The following STS variants were observed in gnomAD, a reference collection of about 807,000 sequenced individuals.
The protein encoded by STS is steryl-sulfatase.
Under a neutral mutation model 26.8 loss-of-function variants are expected in STS, and 7 were observed. The ratio of observed to expected loss-of-function variants is 0.26; its 90% confidence interval spans 0.15 to 0.49. The LOEUF (loss-of-function observed/expected upper bound fraction) is 0.49, where lower values mean the gene tolerates loss of function less well. Among genes scored for constraint, STS ranks in the 20% least tolerant of loss-of-function variants. STS has a pLI of 0.98. For missense variants in STS, 434 were observed against 465.6 expected (o/e 0.93, Z 0.63); for synonymous variants, 199 against 189.4 (o/e 1.05, Z -0.42).
intron 6 of STS, among the ~76,000 whole-genome samples, chrX:7,263,260 G>C (rs1923837176): frequency 9.0e-6 from 1 of 111,409 alleles, no homozygotes; most frequent in Non-Finnish European, 1.9e-5. Flanking sequence ...ATAGAGACAG[G>C]GTTTCACCAT....
intron 2 of STS, chrX:7,219,494 C>A (rs1305701377): frequency 1.9e-5 from 22 of 1,131,298 alleles, no homozygotes; most frequent in Non-Finnish European, 2.6e-5. Context: ...CTGACGGGAC[C>A]CAGCTGTAGT....
chrX:7,258,165 T>G (rs181489673), intron 5 of STS, among the ~76,000 whole-genome samples: 1 of 99,597 alleles, frequency 1.0e-5, no homozygotes, highest in Non-Finnish European at 2.0e-5. Flanking sequence ...GGGACAAAGA[T>G]GAGATAGATA....
At chrX:7,329,634 T>C (rs1199257408) in intron 9 of STS, among the ~76,000 whole-genome samples, 1 of 112,464 alleles carries the variant, frequency 8.9e-6, no homozygotes, top group Admixed American at 9.4e-5. Flanking sequence ...GAGAAGAAAC[T>C]CATTCAGACG....
At chrX:7,232,260 G>C (rs1249409096) in intron 2 of STS, among the ~76,000 whole-genome samples, 1 of 112,433 alleles carries the variant, frequency 8.9e-6, no homozygotes, top group East Asian at 2.8e-4. Context: ...GCAGGCACCA[G>C]CTGCAGGTGC....
intron 7 of STS, among the ~76,000 whole-genome samples, chrX:7,278,177 C>T (rs1380996851): frequency 8.9e-6 from 1 of 112,005 alleles, no homozygotes; most frequent in Non-Finnish European, 1.9e-5. Flanking sequence ...AAATCCTTCC[C>T]CTAAGCATTC....
chrX:7,201,444 C>T (rs1461395194), intron 2 of STS, among the ~76,000 whole-genome samples: 1 of 110,893 alleles, frequency 9.0e-6, no homozygotes, highest in African/African-American at 3.3e-5. Flanking sequence ...TTCTCACACA[C>T]ATACTTAACT....
chrX:7,342,077 T>A (rs1262671590), intron 10 of STS, among the ~76,000 whole-genome samples: 7 of 111,915 alleles, frequency 6.3e-5, no homozygotes, highest in African/African-American at 2.3e-4. Context: ...CCTCCCAAAG[T>A]GCTGGGATTA....
chrX:7,218,134 T>A (rs1332735832), intron 2 of STS, among the ~76,000 whole-genome samples: 8 of 112,213 alleles, frequency 7.1e-5, no homozygotes, highest in Non-Finnish European at 1.5e-4. Flanking sequence ...GAACTTGTAT[T>A]CCCCATTGCT....
intron 2 of STS, among the ~76,000 whole-genome samples, chrX:7,202,069 G>A (rs1330480254): frequency 2.7e-5 from 3 of 111,298 alleles, no homozygotes; most frequent in African/African-American, 6.5e-5. Flanking sequence ...TCATTGTCAC[G>A]AGTATTTTCT....
chrX:7,173,052 G>A (rs1353245902), intron 1 of STS, among the ~76,000 whole-genome samples: 2 of 110,958 alleles, frequency 1.8e-5, no homozygotes, highest in Non-Finnish European at 3.8e-5. Context: ...TATTAAGCCT[G>A]GCATGCATTA....
intron 6 of STS, among the ~76,000 whole-genome samples, chrX:7,271,181 G>T (rs1337545498): frequency 9.1e-6 from 1 of 110,355 alleles, no homozygotes; most frequent in Non-Finnish European, 1.9e-5. Flanking sequence ...GACTTTTTAA[G>T]CTTTCTTATC....
At chrX:7,201,916 C>T (rs994409902) in intron 2 of STS, among the ~76,000 whole-genome samples, 1 of 110,647 alleles carries the variant, frequency 9.0e-6, no homozygotes, top group Non-Finnish European at 1.9e-5. Flanking sequence ...TTCTAATCCA[C>T]GATGCTCATA....
chrX:7,303,348 A>G (rs1315511305), intron 7 of STS, among the ~76,000 whole-genome samples: 7 of 111,267 alleles, frequency 6.3e-5, no homozygotes, highest in Non-Finnish European at 1.1e-4. Flanking sequence ...GTGAGAGCAG[A>G]CTAATACAGC....
intron 2 of STS, among the ~76,000 whole-genome samples, chrX:7,199,357 T>C (rs1934027457): frequency 8.9e-6 from 1 of 112,024 alleles, no homozygotes; most frequent in East Asian, 2.8e-4. Context: ...TGACAAAGAA[T>C]GGTTAGTATA....
Position 7,180,275 on chromosome X carries a change from G to A in STS, c.-133-10605G>A, listed in dbSNP as rs745566344. Among the ~76,000 whole-genome samples, 284 of 111,676 alleles carry A rather than the reference G, an allele frequency of 2.5e-3. 1 individual carries two copies. The highest frequency in any genetic ancestry group is 4.3e-3 in the Non-Finnish European group (229 of 53,130). On this transcript the variant is annotated intron_variant, in intron 1 of 10. Coordinates refer to ENST00000674429, the MANE Select transcript of STS (RefSeq NM_001320752.2). ...CTGCAACTAGACGATCCCATCGGGG[G>A]GTGATGGGAGACAGTGATAGATCAT...
At chrX:7,258,292 G>A (rs1472823865) in intron 5 of STS, among the ~76,000 whole-genome samples, 1 of 110,058 alleles carries the variant, frequency 9.1e-6, no homozygotes, top group East Asian at 2.8e-4. Context: ...TAGATAGATA[G>A]ATAGATGTTA....
intron 1 of STS, among the ~76,000 whole-genome samples, chrX:7,177,569 C>G (rs1030059349): frequency 2.8e-5 from 3 of 108,557 alleles, no homozygotes; most frequent in Non-Finnish European, 5.7e-5. Context: ...CTCTGTCACC[C>G]AGGCATGATC....
At chrX:7,218,921 G>A (rs1326279417) in intron 2 of STS, among the ~76,000 whole-genome samples, 2 of 110,835 alleles carry the variant, frequency 1.8e-5, no homozygotes, top group African/African-American at 6.6e-5. Context: ...GATATGTTGT[G>A]GTTATAAGAT....
chrX:7,183,784 C>T (rs1933724860), intron 1 of STS, among the ~76,000 whole-genome samples: 2 of 111,340 alleles, frequency 1.8e-5, no homozygotes, highest in African/African-American at 6.5e-5. Context: ...GGTAGATCAC[C>T]TGAGGTCAAG....
Sources: allele counts gnomAD v4.1 joint callset (sites outside exome capture counted in the v4.1 genomes callset), GRCh38; gene constraint gnomAD v4.1.1; transcripts MANE v1.5; gene names NCBI Gene and HGNC (gene_info 2026-07-23, HGNC 2026-07-21).